Variants in RSPH10B observed in about 807,000 individuals in gnomAD.
The protein encoded by RSPH10B is radial spoke head 10 homolog B (Chlamydomonas).
RSPH10B carries 7 observed loss-of-function variants against 52.5 expected under a neutral mutation model. The ratio of observed to expected loss-of-function variants is 0.13; its 90% CI spans 0.08 to 0.25. The LOEUF (loss-of-function observed/expected upper bound fraction) is 0.25, where lower values mean the gene tolerates loss of function less well. Ranked by LOEUF, RSPH10B falls within the 10% of genes least tolerant of loss-of-function variation. The pLI, the probability that RSPH10B is intolerant of heterozygous loss-of-function variation, is 1.00. For synonymous variants in RSPH10B, 28 were observed against 193.2 expected (o/e 0.14, Z 7.09); for missense variants, 89 against 542.5 (o/e 0.16, Z 8.30).
chr7:5,956,669 A>C (rs150196614), intron 6 of RSPH10B, among the ~76,000 whole-genome samples: 1,303 of 150,180 alleles, frequency 8.7e-3, no homozygotes, highest in African/African-American at 0.03. Context: ...CCAAGACTCA[A>C]GTGATCCTCC....
chr7:5,942,417 G>A (rs1383339813), intron 13 of RSPH10B, among the ~76,000 whole-genome samples: 35 of 129,986 alleles, frequency 2.7e-4, no homozygotes, highest in African/African-American at 9.1e-4. Context: ...TTTGTAGAGA[G>A]GGGGATCTCA....
At chr7:5,930,859 C>T (rs1440717294) in intron 17 of RSPH10B, among the ~76,000 whole-genome samples, 2 of 49,558 alleles carry the variant, frequency 4.0e-5, no homozygotes, top group African/African-American at 7.9e-5. Flanking sequence ...CACAGCCCCC[C>T]AAGATGCCTA....
At chr7:5,938,457 A>G (rs1780038058) in intron 14 of RSPH10B, among the ~76,000 whole-genome samples, 1 of 101,854 alleles carries the variant, frequency 9.8e-6, no homozygotes. Flanking sequence ...GGGCGCCTGT[A>G]GTCTCAGCTA....
rs565837424 is a variant in RSPH10B at position 5,941,616 on chromosome 7, C to T, written c.1758+1708G>A. On this transcript the variant is annotated intron_variant, in intron 13 of 18. Coordinates refer to ENST00000337579, the Ensembl canonical transcript of RSPH10B. ...AAAATTAACTTGGCATGGTCATGCA[C>T]GCCTTTAGTCCCAGCTACTCGGGAG... Among the ~76,000 whole-genome samples the T allele has an allele frequency of 2.1e-3, 306 of 147,700 alleles. 4 individuals are homozygous for T. Among genetic ancestry groups the T allele is most frequent in the African/African-American group, 6.9e-3 (281 of 40,494 alleles).
At chr7:5,958,957 C>G (rs754068328) in intron 5 of RSPH10B, 36 bp downstream of exon 7, 4 of 1,321,962 alleles carry the variant, frequency 3.0e-6, no homozygotes, top group Non-Finnish European at 4.3e-6. Flanking sequence ...AACCCTTCTT[C>G]ATCTACACCC....
chr7:5,927,025 G>C (rs1232835954), intron 18 of RSPH10B, among the ~76,000 whole-genome samples: 3 of 20,178 alleles, frequency 1.5e-4, no homozygotes, highest in African/African-American at 5.1e-4. Flanking sequence ...AAAGTTACGT[G>C]TGTGTGTGTG....
At chr7:5,927,794 G>T (rs1194036494) in intron 18 of RSPH10B, among the ~76,000 whole-genome samples, 1 of 146,244 alleles carries the variant, frequency 6.8e-6, no homozygotes, top group Non-Finnish European at 1.5e-5. Context: ...AAATTAGCCA[G>T]GCGTGGTGGT....
intron 18 of RSPH10B, among the ~76,000 whole-genome samples, chr7:5,927,041 GTGTGTAT>G (rs1459737830): frequency 2.5e-5 from 1 of 39,766 alleles, no homozygotes; most frequent in Non-Finnish European, 5.0e-5. Context: ...GTGTGTGTGT[GTGTGTAT>G]TATGTGTGTG....
chr7:5,926,708 C>A (rs1457356764), intron 18 of RSPH10B, among the ~76,000 whole-genome samples, 160 bp from the exon 21 acceptor site: 2 of 138,790 alleles, frequency 1.4e-5, no homozygotes, highest in African/African-American at 5.3e-5. Flanking sequence ...ATAACTGATG[C>A]CATGTCGACA....
intron 6 of RSPH10B, among the ~76,000 whole-genome samples, chr7:5,956,558 G>A (rs1201346757): frequency 1.0e-5 from 1 of 98,010 alleles, no homozygotes; most frequent in African/African-American, 3.6e-5. Context: ...TAAATGTTGG[G>A]GTTTATTTGC....
chr7:5,943,629 C>CA (rs1562568529), intron 12 of RSPH10B, among the ~76,000 whole-genome samples, 157 bp from the exon 15 acceptor site: 1 of 147,042 alleles, frequency 6.8e-6, no homozygotes, highest in Non-Finnish European at 1.5e-5. Flanking sequence ...CTGCAACCTC[C>CA]GCCCCCCAGG....
Position 5,940,090 on chromosome 7 carries a change from G to A in RSPH10B, c.1759-1261C>T, listed in dbSNP as rs534848802. 3.2e-3 allele frequency among the ~76,000 whole-genome samples: 410 copies of A among 127,136 alleles called. 19 individuals are homozygous for A. The highest frequency in any genetic ancestry group is 0.011 in the African/African-American group (385 of 36,398). 83.4% of individuals were successfully genotyped at this position (127,136 alleles called of 152,430 possible). ...CGTGTGCCTGTAGTCCCAGCTACTC[G>A]GGAGGCTGAGGCAAGGGAATCACTT... On this transcript the variant is annotated intron_variant, in intron 13 of 18. Transcript: ENST00000337579.
chr7:5,947,808 G>A (rs1780490734), intron 10 of RSPH10B, among the ~76,000 whole-genome samples: 1 of 91,572 alleles, frequency 1.1e-5, no homozygotes, highest in South Asian at 3.4e-4. Flanking sequence ...GTTTCCTAAC[G>A]GGCCATGGAC....
At chr7:5,933,450 G>GTAT (rs1779872288) in intron 16 of RSPH10B, among the ~76,000 whole-genome samples, 1 of 127,380 alleles carries the variant, frequency 7.9e-6, no homozygotes, top group Non-Finnish European at 1.8e-5. Context: ...TGTTGGTACA[G>GTAT]TATTTATTGT....
chr7:5,960,510 C>T (rs1161079736), intron 4 of RSPH10B, among the ~76,000 whole-genome samples, 181 bp downstream of exon 6: 1 of 18,012 alleles, frequency 5.6e-5, no homozygotes, highest in East Asian at 1.2e-3. Context: ...CCGCTAGCCC[C>T]TACCCCCTTC....
exon 6 of RSPH10B, chr7:5,957,931 G>A (rs199639000): frequency 0.041 from 51,011 of 1,253,226 alleles, 63 homozygotes; most frequent in South Asian, 0.063. Context: ...CCCACCGCCC[G>A]GTGTACTCTT....
intron 18 of RSPH10B, among the ~76,000 whole-genome samples, chr7:5,927,795 G>C (rs1265946222): frequency 6.8e-6 from 1 of 146,122 alleles, no homozygotes; most frequent in Admixed American, 6.8e-5. Flanking sequence ...AATTAGCCAG[G>C]CGTGGTGGTG....
intron 17 of RSPH10B, among the ~76,000 whole-genome samples, chr7:5,931,954 A>C (rs1399455001): frequency 2.0e-5 from 3 of 151,480 alleles, no homozygotes; most frequent in African/African-American, 7.3e-5. Context: ...GCACCACTGC[A>C]CTCCAGCCTG....
chr7:5,926,259 C>CA (rs1442775173), exon 19 of RSPH10B: 1 of 652,126 alleles, frequency 1.5e-6, no homozygotes, highest in African/African-American at 2.0e-5. Flanking sequence ...TGCAGTGGGC[C>CA]AAGGGGTATG....
Sources: allele counts gnomAD v4.1 joint callset (sites outside exome capture counted in the v4.1 genomes callset), GRCh38; gene constraint gnomAD v4.1.1; transcripts MANE v1.5; gene names NCBI Gene and HGNC (gene_info 2026-07-23, HGNC 2026-07-21).